Variants in DNAH12 observed in about 807,000 individuals in gnomAD.
The protein encoded by DNAH12 is axonemal beta dynein heavy chain 12.
In DNAH12, 285 loss-of-function variants were observed where a neutral mutation model predicts 371.5. The ratio of observed to expected loss-of-function variants is 0.77; its 90% CI spans 0.70 to 0.85. The LOEUF (loss-of-function observed/expected upper bound fraction) is 0.85. DNAH12 is among the 40% of genes least tolerant of loss of function. The pLI, the probability that DNAH12 is intolerant of heterozygous loss-of-function variation, is 0.00. For synonymous variants in DNAH12, 1,200 were observed against 1,213.0 expected (o/e 0.99, Z 0.22); for missense variants, 3,611 against 3,689.4 (o/e 0.98, Z 0.55).
At chr3:57,555,858 G>A in the DNAH12 span, among the ~76,000 whole-genome samples, 1 of 152,258 alleles carries the variant, frequency 6.6e-6, no homozygotes, top group South Asian at 2.1e-4. Context: ...ATCAGGGTCG[G>A]CAAAGCTGTG....
At chr3:57,426,500 A>G (rs1320304661) in intron 34 of DNAH12, among the ~76,000 whole-genome samples, 1 of 151,992 alleles carries the variant, frequency 6.6e-6, no homozygotes, top group African/African-American at 2.4e-5. Flanking sequence ...GGATGGAAAG[A>G]AAACAGGTAT....
intron 22 of DNAH12, among the ~76,000 whole-genome samples, chr3:57,455,428 G>C (rs113560668): frequency 1.3e-5 from 2 of 151,856 alleles, no homozygotes; most frequent in African/African-American, 4.8e-5. Flanking sequence ...AAAATAGCTG[G>C]GCATGGTGGT....
chr3:57,492,373 T>C (rs1172218633), intron 11 of DNAH12, among the ~76,000 whole-genome samples: 1 of 151,738 alleles, frequency 6.6e-6, no homozygotes, highest in African/African-American at 2.4e-5. Context: ...GACAGGAGAA[T>C]TGCTTGAACC....
At chr3:57,295,455 G>C in intron 73 of DNAH12, 70 bp downstream of exon 73, 1 of 1,302,914 alleles carries the variant, frequency 7.7e-7, no homozygotes, top group Non-Finnish European at 1.0e-6. Flanking sequence ...ACTTATTTTG[G>C]GGAGCAGTGT....
At position 57,389,231 on chromosome 3, in the gene DNAH12, G is replaced by GAAAA. The variant is rs36159319; in HGVS notation, c.7306-2016_7306-2013dup. Among the ~76,000 whole-genome samples the GAAAA allele has an allele frequency of 1.0e-3, 143 of 143,104 alleles. 2 individuals carry two copies. The highest frequency in any genetic ancestry group is 3.6e-3 in the Middle Eastern group (1 of 278). The allele number at this position is 143,104 out of a possible 152,430, so 93.9% of individuals were successfully genotyped here. ...CCTCCATTAAAAAGCAGGTCCACAG[G>GAAAA]AAAAAAAAAAAACATTACAGAGGCT... On this transcript the variant is annotated intron_variant, in intron 45 of 73. Coordinates refer to ENST00000495027, the MANE Select transcript of DNAH12 (RefSeq NM_001366028.2).
chr3:57,490,013 T>C lies in DNAH12; in HGVS notation c.1336-326A>G, dbSNP rs76333722. On this transcript the variant is annotated intron_variant, in intron 11 of 73. Coordinates refer to ENST00000495027, the MANE Select transcript of DNAH12 (RefSeq NM_001366028.2). ...ATTTCTCTGTTTAGAAACAAACTTA[T>C]ATCATGTAACAATTTGCATAGTGGA... 3.0e-3 allele frequency among the ~76,000 whole-genome samples: 454 copies of C among 152,334 alleles called. 3 individuals carry two copies. The highest frequency in any genetic ancestry group is 4.7e-3 in the Non-Finnish European group (323 of 68,032).
At chr3:57,455,839 T>G (rs1472532737) in intron 22 of DNAH12, among the ~76,000 whole-genome samples, 1 of 152,208 alleles carries the variant, frequency 6.6e-6, no homozygotes, top group Non-Finnish European at 1.5e-5. Flanking sequence ...ATATTCAAAA[T>G]GCATTTAAAT....
intron 2 of DNAH12, among the ~76,000 whole-genome samples, chr3:57,542,225 AAGTAGT>A (rs2069323412): frequency 6.6e-6 from 1 of 151,714 alleles, no homozygotes; most frequent in Non-Finnish European, 1.5e-5. Flanking sequence ...TTTCAAATAT[AAGTAGT>A]TTCAAGATAT....
chr3:57,400,651 C>A (rs2063837961), intron 43 of DNAH12, among the ~76,000 whole-genome samples: 1 of 152,070 alleles, frequency 6.6e-6, no homozygotes, highest in Admixed American at 6.5e-5. Context: ...GAATGTGGTC[C>A]CTTTCACTCT....
chr3:57,489,709 GAA>G, intron 11 of DNAH12, 22 bp from the exon 12 acceptor site: 8 of 1,385,270 alleles, frequency 5.8e-6, no homozygotes, highest in Admixed American at 6.9e-5. Context: ...GTGTTCAAAT[GAA>G]AAAAAAAATG....
At chr3:57,527,516 T>C (rs1334470672) in intron 2 of DNAH12, among the ~76,000 whole-genome samples, 1 of 152,142 alleles carries the variant, frequency 6.6e-6, no homozygotes, top group Non-Finnish European at 1.5e-5. Context: ...AGAGCAGGCA[T>C]GTCACATGGC....
At chr3:57,339,062 A>C (rs1195458326) in intron 60 of DNAH12, among the ~76,000 whole-genome samples, 8 of 152,182 alleles carry the variant, frequency 5.3e-5, no homozygotes, top group African/African-American at 1.7e-4. Flanking sequence ...GGCTGCTGTT[A>C]ATCTATAACC....
intron 60 of DNAH12, among the ~76,000 whole-genome samples, chr3:57,337,376 T>C (rs2062250753): frequency 6.7e-6 from 1 of 150,274 alleles, no homozygotes; most frequent in Non-Finnish European, 1.5e-5. Context: ...AGAGAACTTT[T>C]CAGCTGGGCA....
rs188342571 is a variant in DNAH12, at chr3:57,449,511, C to G, written c.3787-2822G>C. On this transcript the variant is annotated intron_variant, in intron 25 of 73. Transcript: ENST00000495027. ...GCCCGGCGGGAAGGCAGCTAAGGCC[C>G]GGTGAGAAATCGAGCGCAGCGCTGG... Among the ~76,000 whole-genome samples, 37 of 152,310 alleles carry G rather than the reference C, an allele frequency of 2.4e-4. No homozygotes were observed. The East Asian group carries it at 7.0e-3, about 29-fold the overall frequency.
At chr3:57,532,545 G>A (rs1414957668) in intron 2 of DNAH12, among the ~76,000 whole-genome samples, 1 of 152,180 alleles carries the variant, frequency 6.6e-6, no homozygotes, top group Non-Finnish European at 1.5e-5. Context: ...GCATTAGGGG[G>A]CACCCCAAGT....
At chr3:57,357,844 A>T (rs2062835677) in intron 58 of DNAH12, among the ~76,000 whole-genome samples, 1 of 152,210 alleles carries the variant, frequency 6.6e-6, no homozygotes, top group African/African-American at 2.4e-5. Context: ...AGTCTGGCAA[A>T]GTAGGTATTC....
At chr3:57,438,225 C>T (rs981355269) in intron 29 of DNAH12, among the ~76,000 whole-genome samples, 1 of 152,060 alleles carries the variant, frequency 6.6e-6, no homozygotes, top group Non-Finnish European at 1.5e-5. Context: ...GCAGGAGAAT[C>T]GCTTGAACCC....
rs1318475248 is a variant in DNAH12, at chr3:57,368,198, T to C, written c.8822A>G (p.Asn2941Ser). Residue 2941 changes from asparagine (N) to serine (S), a missense_variant, in exon 56 of 74, where the codon AAT becomes AGT. This residue lies in a region of DNAH12 where 2,266 missense variants were observed against 2,236.9 expected (regional missense o/e 1.01). Transcript: ENST00000495027. ...TGATAGCTTAATAACACTAAGCTGA[T>C]TTTCTTTTTCAGAGTTTTTGATCCA... ...NKWIKNSEKE[N>S]QLSVIKLSDS... The C allele has an allele frequency of 1.3e-5, 2 of 152,188 alleles. No individual in the cohort carries two copies. The highest frequency in any genetic ancestry group is 4.8e-5 in the African/African-American group (2 of 41,444). 9.4% of individuals were successfully genotyped at this position (152,188 alleles called of 1,614,324 possible).
chr3:57,336,667 A>G (rs1553653852), intron 60 of DNAH12, among the ~76,000 whole-genome samples: 2 of 152,222 alleles, frequency 1.3e-5, no homozygotes, highest in South Asian at 2.1e-4. Flanking sequence ...AGGTAAACAT[A>G]AAAGATTTTT....
Sources: gnomAD v4.1 joint callset for allele counts (sites outside exome capture counted in the v4.1 genomes callset) on GRCh38, gnomAD v4.1.1 for gene constraint, gnomAD v4.1.1 regional missense constraint, MANE v1.5 for transcripts, NCBI Gene and HGNC (gene_info 2026-07-23, HGNC 2026-07-21) for gene names.